SYN2: variants seen among roughly 807,000 people sequenced by gnomAD.
SYN2 encodes synapsin-2.
In SYN2, 19 loss-of-function variants were observed where a neutral mutation model predicts 50.9. The ratio of observed to expected loss-of-function variants is 0.37; its 90% CI spans 0.26 to 0.55. The LOEUF (loss-of-function observed/expected upper bound fraction) is 0.55, where lower values mean the gene tolerates loss of function less well. SYN2 is among the 20% of genes least tolerant of loss of function. The pLI, the probability that SYN2 is intolerant of heterozygous loss-of-function variation, is 0.81. For synonymous variants in SYN2, 255 were observed against 224.9 expected, an observed-to-expected ratio of 1.13 and a Z score of -1.20; for missense variants, 587 against 576.4, an observed-to-expected ratio of 1.02 and a Z score of -0.19.
At chr3:12,054,979 AT>A (rs1396081512) in intron 1 of SYN2, among the ~76,000 whole-genome samples, 3 of 152,146 alleles carry the variant, frequency 2.0e-5, no homozygotes, top group African/African-American at 7.2e-5. Flanking sequence ...TTTAATATTG[AT>A]TGGTCAAGAA....
At chr3:12,142,773 C>G (rs1480811018) in intron 3 of SYN2, among the ~76,000 whole-genome samples, 1 of 152,146 alleles carries the variant, frequency 6.6e-6, no homozygotes, top group Admixed American at 6.5e-5. Context: ...TTTCAGACAT[C>G]AGTCTTGTTC....
chr3:12,156,749 G>T, intron 5 of SYN2: 1 of 1,262,080 alleles, frequency 7.9e-7, no homozygotes, highest in Non-Finnish European at 1.2e-6. Flanking sequence ...GAAGACCCTG[G>T]CTCCTTTCTC....
chr3:12,019,683 T>C (rs767164845), intron 1 of SYN2, among the ~76,000 whole-genome samples: 1 of 152,252 alleles, frequency 6.6e-6, no homozygotes, highest in Non-Finnish European at 1.5e-5. Flanking sequence ...TGATTCCTTA[T>C]TAAGGTCATA....
Position 12,131,662 on chromosome 3 carries a change from TC to T in SYN2, c.378-8987del, listed in dbSNP as rs397943333. Reference sequence around the variant, plus strand: ...TGAGTTACAGGATTCTTTTTTTTTTTCCTGTATTTGATAATCTTGTTATCTT... The same window carrying T: ...TGAGTTACAGGATTCTTTTTTTTTTTCTGTATTTGATAATCTTGTTATCTT... On this transcript the variant is annotated intron_variant, in intron 1 of 12. Coordinates refer to ENST00000621198, the MANE Select transcript of SYN2 (RefSeq NM_133625.6). 3.9e-4 allele frequency among the ~76,000 whole-genome samples: 59 copies of T among 152,010 alleles called. 1 individual carries two copies. The highest frequency in any genetic ancestry group is 1.4e-3 in the African/African-American group (56 of 41,438).
intron 1 of SYN2, among the ~76,000 whole-genome samples, chr3:12,085,539 A>G (rs1329178321): frequency 9.2e-5 from 14 of 152,282 alleles, no homozygotes; most frequent in Non-Finnish European, 4.4e-5. Context: ...TCAGTAAGGA[A>G]ACAGAAGTCA....
intron 12 of SYN2, among the ~76,000 whole-genome samples, chr3:12,189,929 T>G (rs1183852342): frequency 6.6e-6 from 1 of 152,104 alleles, no homozygotes; most frequent in Non-Finnish European, 1.5e-5. Context: ...TGCCTAGAGA[T>G]CTTCATTTTA....
Position 12,100,075 on chromosome 3 carries a change from A to T in SYN2, c.378-40576A>T, listed in dbSNP as rs1173811566. Among the ~76,000 whole-genome samples the T allele has an allele frequency of 2.0e-5, 3 of 152,140 alleles. No homozygotes were observed. The East Asian group carries it at 5.8e-4, about 29-fold the overall frequency. ...ATTGTTAAGATAGCAATCTATGTCA[A>T]AGTGGATTTGATATGGATTACATTG... On this transcript the variant is annotated intron_variant, in intron 1 of 12. Coordinates refer to ENST00000621198, the MANE Select transcript of SYN2 (RefSeq NM_133625.6).
At chr3:12,106,971 G>A (rs1696205946) in intron 1 of SYN2, among the ~76,000 whole-genome samples, 1 of 151,548 alleles carries the variant, frequency 6.6e-6, no homozygotes, top group Non-Finnish European at 1.5e-5. Flanking sequence ...TAGACTAGGA[G>A]ATAAAAGTTG....
At position 12,190,778 on chromosome 3, in the gene SYN2, A is replaced by G; in HGVS notation, c.*153A>G. On this transcript the variant is annotated 3_prime_UTR_variant, in exon 13 of 13. Coordinates refer to ENST00000621198, the MANE Select transcript of SYN2 (RefSeq NM_133625.6). The stretch of plus-strand genomic sequence containing the variant: ...TGTACTAAGTGATGTTGTGCAGCCC[A>G]GAAAGGACCATTTGACAGTCTCAGG... 2 of 1,401,796 alleles carry G rather than the reference A, an allele frequency of 1.4e-6. No individual in the cohort carries two copies. Among genetic ancestry groups the G allele is most frequent in the Non-Finnish European group, 1.8e-6 (2 of 1,084,176 alleles). The allele number at this position is 1,401,796 out of a possible 1,614,324, so 86.8% of individuals were successfully genotyped here. A position where few individuals can be genotyped will look rare whatever the true frequency, so the allele number is the denominator to read the frequency against.
At chr3:12,159,111 G>C (rs974016459) in intron 5 of SYN2, 4 of 439,034 alleles carry the variant, frequency 9.1e-6, no homozygotes, top group South Asian at 5.5e-5. Flanking sequence ...GTCATGAAGC[G>C]ATCTGGAAGC....
intron 1 of SYN2, among the ~76,000 whole-genome samples, chr3:12,135,718 A>G (rs185192671): frequency 6.6e-6 from 1 of 152,290 alleles, no homozygotes; most frequent in Admixed American, 6.5e-5. Context: ...TGAGAAGAAG[A>G]TGGCAGGGCC....
chr3:12,158,737 G>T, intron 5 of SYN2: 1 of 1,609,374 alleles, frequency 6.2e-7, no homozygotes, highest in South Asian at 1.1e-5. Flanking sequence ...CTGAGGGTGC[G>T]CCGGGGCGCA....
intron 1 of SYN2, among the ~76,000 whole-genome samples, chr3:12,136,915 G>A (rs1396435197): frequency 3.3e-5 from 5 of 152,214 alleles, no homozygotes; most frequent in East Asian, 1.9e-4. Flanking sequence ...AGCACAAGGG[G>A]ATGAATTTAG....
At chr3:12,107,245 T>C (rs542780504) in intron 1 of SYN2, among the ~76,000 whole-genome samples, 13 of 152,332 alleles carry the variant, frequency 8.5e-5, no homozygotes, top group Middle Eastern at 3.4e-3. Context: ...CCTCCAGATA[T>C]CCAGACGGAT....
chr3:12,180,904 T>G (rs1698205907), intron 10 of SYN2, among the ~76,000 whole-genome samples: 1 of 152,204 alleles, frequency 6.6e-6, no homozygotes, highest in South Asian at 2.1e-4. Flanking sequence ...AGTTCTACCA[T>G]TAAAGCTTAA....
chr3:12,047,973 T>C (rs1694776909), intron 1 of SYN2, among the ~76,000 whole-genome samples: 1 of 152,222 alleles, frequency 6.6e-6, no homozygotes, highest in African/African-American at 2.4e-5. Context: ...TGGTACCTGA[T>C]TGTGAGACCC....
intron 5 of SYN2, chr3:12,158,654 T>TC (rs763734478): frequency 6.2e-7 from 1 of 1,603,376 alleles, no homozygotes; most frequent in East Asian, 2.2e-5. Context: ...CAGATACTAA[T>TC]CCCCCACAAC....
Position 12,169,898 on chromosome 3 carries a change from C to A in SYN2, c.1300C>A (p.Gln434Lys). 3.1e-6 allele frequency: 5 copies of A among 1,608,446 alleles called. No homozygotes were observed. Among genetic ancestry groups the A allele is most frequent in the Non-Finnish European group, 4.2e-6 (5 of 1,177,348 alleles). The change falls in exon 10 of 13, where the codon CAG (glutamine) becomes AAG (lysine). Residue 434 changes from glutamine to lysine, a missense_variant. By Grantham distance (53) the Gln-to-Lys change is moderately conservative. Coordinates refer to ENST00000621198, the MANE Select transcript of SYN2 (RefSeq NM_133625.6). ...TCCTCAGAGACCCCTAACAACCCAGCAGCCACAGGTAAGCAGCTAGGAAGA... is the reference window on the plus strand; with the variant it reads ...TCCTCAGAGACCCCTAACAACCCAGAAGCCACAGGTAAGCAGCTAGGAAGA... The part of the protein sequence containing the change: ...LSPQRPLTTQ[Q>K]PQSGTLKDPD...
chr3:12,042,935 G>A (rs945661548), intron 1 of SYN2, among the ~76,000 whole-genome samples: 3 of 152,102 alleles, frequency 2.0e-5, no homozygotes, highest in Non-Finnish European at 4.4e-5. Flanking sequence ...AGGGAACATA[G>A]CCCGGCCAAC....
Sources: gnomAD v4.1 joint callset for allele counts (sites outside exome capture counted in the v4.1 genomes callset) on GRCh38, gnomAD v4.1.1 for gene constraint, MANE v1.5 for transcripts, NCBI Gene and HGNC (gene_info 2026-07-23, HGNC 2026-07-21) for gene names.